The following PDZRN3 variants were observed in gnomAD, a reference collection of about 807,000 sequenced individuals.
PDZRN3 encodes the protein PDZ domain containing ring finger 3.
In PDZRN3, 38 loss-of-function variants were observed where a neutral mutation model predicts 85.7. The ratio of observed to expected loss-of-function variants is 0.44; its 90% CI spans 0.34 to 0.58. The LOEUF (loss-of-function observed/expected upper bound fraction) is 0.58, where lower values mean the gene tolerates loss of function less well. Ranked by LOEUF, PDZRN3 falls within the 20% of genes least tolerant of loss-of-function variation. The pLI is 0.01. For missense variants in PDZRN3, 1,629 were observed against 1,506.4 expected, an observed-to-expected ratio of 1.08 and a Z score of -1.35; for synonymous variants, 759 against 638.0, an observed-to-expected ratio of 1.19 and a Z score of -2.86.
chr3:73,432,292 G>T (rs1200893851), intron 3 of PDZRN3, among the ~76,000 whole-genome samples: 1 of 151,374 alleles, frequency 6.6e-6, no homozygotes, highest in African/African-American at 2.4e-5. Context: ...AGTGGTGAAA[G>T]CGCTTTTGCC....
intron 3 of PDZRN3, among the ~76,000 whole-genome samples, chr3:73,557,543 C>T (rs1701727010): frequency 6.6e-6 from 1 of 152,098 alleles, no homozygotes; most frequent in Admixed American, 6.6e-5. Context: ...CCTCATATTA[C>T]AAACTATGTA....
chr3:73,439,852 C>T (rs977756941), intron 3 of PDZRN3, among the ~76,000 whole-genome samples: 2 of 152,040 alleles, frequency 1.3e-5, no homozygotes, highest in South Asian at 4.2e-4. Context: ...GATTCTCTTG[C>T]CTCAGCCTTC....
chr3:73,460,592 C>T (rs1373932056), intron 3 of PDZRN3, among the ~76,000 whole-genome samples: 1 of 152,122 alleles, frequency 6.6e-6, no homozygotes, highest in African/African-American at 2.4e-5. Flanking sequence ...TGTGGCCTCA[C>T]CATTTTCTTT....
rs190608746 is a variant in PDZRN3 at position 73,475,503 on chromosome 3, C to T, written c.919-71108G>A. The stretch of plus-strand genomic sequence containing the variant: ...ATGTTTTGTTGCATAAAACCCATCT[C>T]ATAAAATAAACCTCTCAAAGTTGTA... On this transcript the variant is annotated intron_variant, in intron 3 of 9. Transcript: ENST00000263666. Among the ~76,000 whole-genome samples the T allele has an allele frequency of 1.2e-3, 180 of 152,292 alleles. 2 individuals carry two copies. The highest frequency in any genetic ancestry group is 3.1e-3 in the South Asian group (15 of 4,826).
chr3:73,490,820 C>G (rs1703755954), intron 3 of PDZRN3, among the ~76,000 whole-genome samples: 1 of 152,208 alleles, frequency 6.6e-6, no homozygotes, highest in Non-Finnish European at 1.5e-5. Flanking sequence ...CCCTGTATCC[C>G]TGAACTTCAA....
intron 1 of PDZRN3, among the ~76,000 whole-genome samples, chr3:73,612,707 G>A (rs960685626): frequency 2.0e-5 from 3 of 152,172 alleles, no homozygotes; most frequent in African/African-American, 7.2e-5. Context: ...TGAGTTCAGG[G>A]CTGGACTTAA....
intron 3 of PDZRN3, among the ~76,000 whole-genome samples, chr3:73,472,462 C>A (rs1040561456): frequency 2.6e-5 from 4 of 152,180 alleles, no homozygotes; most frequent in African/African-American, 7.2e-5. Flanking sequence ...CCCGTATATG[C>A]CCTCGGTCTG....
At chr3:73,529,667 A>C (rs958292691) in intron 3 of PDZRN3, among the ~76,000 whole-genome samples, 4 of 152,264 alleles carry the variant, frequency 2.6e-5, no homozygotes, top group African/African-American at 9.6e-5. Flanking sequence ...GCTGGTTATC[A>C]AGGTGATGCC....
intron 3 of PDZRN3, among the ~76,000 whole-genome samples, chr3:73,543,907 A>G (rs1289500562): frequency 6.6e-6 from 1 of 152,258 alleles, no homozygotes; most frequent in Non-Finnish European, 1.5e-5. Context: ...AGTTTAAAAA[A>G]TAAAACATGT....
chr3:73,399,430 G>A (rs1235088702), intron 5 of PDZRN3, among the ~76,000 whole-genome samples: 1 of 152,140 alleles, frequency 6.6e-6, no homozygotes, highest in Non-Finnish European at 1.5e-5. Flanking sequence ...GGGGATTCTA[G>A]GTAGATAGTC....
chr3:73,580,616 G>A (rs1363339366), intron 3 of PDZRN3, among the ~76,000 whole-genome samples: 5 of 152,202 alleles, frequency 3.3e-5, no homozygotes, highest in East Asian at 1.9e-4. Context: ...AGAGGAGAAG[G>A]CTGCACTGGC....
chr3:73,450,217 A>G lies in PDZRN3; in HGVS notation c.919-45822T>C, dbSNP rs143697511. On this transcript the variant is annotated intron_variant, in intron 3 of 9. Coordinates refer to ENST00000263666, the MANE Select transcript of PDZRN3 (RefSeq NM_015009.3). ...CTCTCATGATGCCAGTCCATTCTAC[A>G]TTACTGTGTTCTACATTGACATGCC... Among the ~76,000 whole-genome samples the G allele has an allele frequency of 1.2e-3, 183 of 152,304 alleles. 1 individual carries two copies. Among genetic ancestry groups the G allele is most frequent in the African/African-American group, 4.1e-3 (169 of 41,566 alleles).
At chr3:73,607,651 T>C (rs1200504690) in intron 2 of PDZRN3, among the ~76,000 whole-genome samples, 1 of 152,210 alleles carries the variant, frequency 6.6e-6, no homozygotes, top group African/African-American at 2.4e-5. Context: ...TGATACCCTT[T>C]GCTTCTTGGC....
At chr3:73,516,384 T>C (rs1031325151) in intron 3 of PDZRN3, among the ~76,000 whole-genome samples, 5 of 152,366 alleles carry the variant, frequency 3.3e-5, no homozygotes, top group Non-Finnish European at 5.9e-5. Context: ...ATGTTGCCTA[T>C]TATCCAACTG....
intron 3 of PDZRN3, among the ~76,000 whole-genome samples, chr3:73,564,027 G>C (rs553589917): frequency 6.6e-6 from 1 of 152,126 alleles, no homozygotes; most frequent in Non-Finnish European, 1.5e-5. Flanking sequence ...GGGCTGCTGT[G>C]AGCACGGTTG....
intron 3 of PDZRN3, among the ~76,000 whole-genome samples, chr3:73,549,123 C>T (rs769800649): frequency 6.6e-6 from 1 of 152,210 alleles, no homozygotes; most frequent in Non-Finnish European, 1.5e-5. Context: ...CTTAATTATA[C>T]AGAGGCTGCA....
rs148813371 is a variant in PDZRN3 at position 73,458,198 on chromosome 3, T to G, written c.919-53803A>C. Among the ~76,000 whole-genome samples the G allele has an allele frequency of 7.9e-5, 12 of 152,210 alleles. No homozygotes were observed. The East Asian group carries it at 2.3e-3, about 29-fold the overall frequency. ...GGTTACAGTTTAGCTTGGGGTGGCT[T>G]TGCTTTCTTCATCCACACAATGAGA... On this transcript the variant is annotated intron_variant, in intron 3 of 9. Transcript: ENST00000263666.
In PDZRN3 at chr3:73,499,811, C is replaced by G. The variant is rs1400485100; in HGVS notation, c.919-95416G>C. Among the ~76,000 whole-genome samples the G allele has an allele frequency of 2.6e-5, 4 of 152,130 alleles. No individual in the cohort carries two copies. The East Asian group carries it at 7.7e-4, about 29-fold the overall frequency. On this transcript the variant is annotated intron_variant, in intron 3 of 9. Coordinates refer to ENST00000263666, the MANE Select transcript of PDZRN3 (RefSeq NM_015009.3). ...ATTTTCTTGGCAAGTTACATAATCT[C>G]TCCATGACATAACTTCCTTGCCTAT...
chr3:73,445,879 T>C (rs538840501), intron 3 of PDZRN3, among the ~76,000 whole-genome samples: 52 of 152,236 alleles, frequency 3.4e-4, no homozygotes, highest in African/African-American at 1.1e-3. Context: ...GCAGGGAAAA[T>C]TGAAGTGATT....
Sources: gnomAD v4.1 joint callset for allele counts (sites outside exome capture counted in the v4.1 genomes callset) on GRCh38, gnomAD v4.1.1 for gene constraint, MANE v1.5 for transcripts, NCBI Gene and HGNC (gene_info 2026-07-23, HGNC 2026-07-21) for gene names.